ZNF326: variants seen among roughly 807,000 people sequenced by gnomAD.
ZNF326 encodes the protein DBIRD complex subunit ZNF326.
Under a neutral mutation model 63.1 loss-of-function variants are expected in ZNF326, and 30 were observed. The observed-to-expected ratio is 0.48, with a 90% CI of 0.36 to 0.64. ZNF326 has a LOEUF of 0.64. Ranked by LOEUF, ZNF326 falls within the 30% of genes least tolerant of loss-of-function variation. The probability of loss-of-function intolerance (pLI) is 0.00; values close to 1 mark genes in which losing one functional copy is unlikely to be tolerated. For missense variants in ZNF326, 609 were observed against 720.3 expected (o/e 0.85, Z 1.77); for synonymous variants, 194 against 228.2 (o/e 0.85, Z 1.35).
chr1:90,010,247 G>A lies in ZNF326; in HGVS notation c.775G>A (p.Ala259Thr). Residue 259 changes from alanine (A) to threonine (T), a missense_variant, in exon 6 of 12, where the codon GCA (alanine) becomes ACA (threonine). Ala to Thr is a moderately conservative substitution (Grantham distance 58). Coordinates refer to ENST00000340281, the MANE Select transcript of ZNF326 (RefSeq NM_182976.4). ...SGTFIKKPKL[A>T]KPMEKISLSK... ...AACCTTTATCAAGAAACCCAAACTA[G>A]CAAAACCTATGGAGAAGATAAGCCT... 1 of 1,613,758 alleles carries A rather than the reference G, an allele frequency of 6.2e-7. No individual in the cohort carries two copies. Among genetic ancestry groups the A allele is most frequent in the Non-Finnish European group, 8.5e-7 (1 of 1,179,808 alleles).
At chr1:90,013,562 T>C (rs1183944695) in intron 7 of ZNF326, among the ~76,000 whole-genome samples, 1 of 152,202 alleles carries the variant, frequency 6.6e-6, no homozygotes, top group Non-Finnish European at 1.5e-5. Flanking sequence ...ATATTACAAA[T>C]ATGTAAGTTC....
rs1190641090 is a variant in ZNF326, at chr1:90,007,556, T to C, written c.421T>C (p.Leu141=). The C allele has an allele frequency of 6.2e-7, 1 of 1,613,790 alleles. No homozygotes were observed. Among genetic ancestry groups the C allele is most frequent in the Non-Finnish European group, 8.5e-7 (1 of 1,179,924 alleles). Residue 141 remains leucine (L), a synonymous_variant, in exon 5 of 12, where the codon TTG becomes CTG. Transcript: ENST00000340281. The surrounding 1 kb of genome is among the most constrained non-coding windows in gnomAD (Gnocchi z 4.9). ...SWEAPYSRSK[L]RPGFMEDRGR... ...GGAAGCACCTTACTCCCGTTCAAAA[T>C]TGAGGCCTGGGTTTATGGAGGACAG...
rs1300660194 is a variant in ZNF326 at position 90,034,308 on chromosome 1, A to C, written c.*6607A>C. 1.3e-5 allele frequency: 2 copies of C among 152,156 alleles called. No homozygotes were observed. Among genetic ancestry groups the C allele is most frequent in the Non-Finnish European group, 2.9e-5 (2 of 68,016 alleles). The allele number at this position is 152,156 out of a possible 1,614,324, so 9.4% of individuals were successfully genotyped here. A position where few individuals can be genotyped will look rare whatever the true frequency, so the allele number is the denominator to read the frequency against. ...TTCAGAAATTAACTCATAAAACACA[A>C]CCTGCACGGCATGGTATCAAATTAT... On this transcript the variant is annotated 3_prime_UTR_variant, in exon 12 of 12. Transcript: ENST00000340281.
chr1:90,026,483 T>C (rs1650022244), intron 11 of ZNF326, among the ~76,000 whole-genome samples: 1 of 152,198 alleles, frequency 6.6e-6, no homozygotes, highest in Non-Finnish European at 1.5e-5. Flanking sequence ...ATTAGACATC[T>C]AGATATCTGA....
intron 9 of ZNF326, among the ~76,000 whole-genome samples, chr1:90,019,607 A>G (rs1403078711): frequency 6.6e-6 from 1 of 152,042 alleles, no homozygotes; most frequent in Non-Finnish European, 1.5e-5. Flanking sequence ...GATGTTTCTC[A>G]GTACCTTGTC....
intron 6 of ZNF326, 103 bp from the exon 7 acceptor site, chr1:90,013,023 A>T: frequency 1.1e-6 from 1 of 888,452 alleles, no homozygotes; most frequent in Non-Finnish European, 1.6e-6. Context: ...TTAGATTACA[A>T]TCACTAAGTA....
intron 9 of ZNF326, among the ~76,000 whole-genome samples, chr1:90,019,712 A>G (rs889049130): frequency 1.3e-5 from 2 of 152,130 alleles, no homozygotes; most frequent in Admixed American, 6.5e-5. Flanking sequence ...TTATACATCT[A>G]TGTTTCTAGC....
intron 11 of ZNF326, among the ~76,000 whole-genome samples, chr1:90,025,077 T>C (rs968667041): frequency 1.3e-5 from 2 of 148,826 alleles, no homozygotes; most frequent in African/African-American, 4.9e-5. Flanking sequence ...TGGCCCACCC[T>C]ATTTTATCAT....
intron 8 of ZNF326, 70 bp from the exon 9 acceptor site, chr1:90,018,615 A>G (rs1448404986): frequency 1.3e-6 from 1 of 779,502 alleles, no homozygotes; most frequent in Admixed American, 2.8e-5. Flanking sequence ...CATAGAATGA[A>G]CATAGTGCTA....
intron 5 of ZNF326, among the ~76,000 whole-genome samples, chr1:90,008,229 T>C (rs1010058757): frequency 6.6e-6 from 1 of 152,264 alleles, no homozygotes; most frequent in Non-Finnish European, 1.5e-5. Context: ...TAAAAGTTGA[T>C]GATAGATCAG....
chr1:90,017,967 G>A (rs1447072319), intron 8 of ZNF326, among the ~76,000 whole-genome samples: 1 of 152,118 alleles, frequency 6.6e-6, no homozygotes, highest in African/African-American at 2.4e-5. Context: ...AATTAATTTG[G>A]ACAGAAGAGG....
Position 90,030,523 on chromosome 1 carries a change from C to T in ZNF326, c.*2822C>T, listed in dbSNP as rs934089642. The stretch of plus-strand genomic sequence containing the variant: ...TTATTCTATAGCCTATACCCATCAG[C>T]TTTCCTTGGCTGATTCTTCATCCTT... On this transcript the variant is annotated 3_prime_UTR_variant, in exon 12 of 12. Coordinates refer to ENST00000340281, the MANE Select transcript of ZNF326 (RefSeq NM_182976.4). The T allele has an allele frequency of 2.0e-5, 3 of 152,166 alleles. No homozygotes were observed. The highest frequency in any genetic ancestry group is 7.2e-5 in the African/African-American group (3 of 41,426). 9.4% of individuals were successfully genotyped at this position (152,166 alleles called of 1,614,324 possible). A position where few individuals can be genotyped will look rare whatever the true frequency, so the allele number is the denominator to read the frequency against.
At chr1:89,996,761 A>G (rs969784811) in intron 1 of ZNF326, among the ~76,000 whole-genome samples, 2 of 152,066 alleles carry the variant, frequency 1.3e-5, no homozygotes, top group Non-Finnish European at 1.5e-5. Flanking sequence ...ACAAAAAACC[A>G]ACAACAAAAC....
At chr1:90,001,024 T>C (rs1176988657) in intron 2 of ZNF326, among the ~76,000 whole-genome samples, 4 of 152,158 alleles carry the variant, frequency 2.6e-5, no homozygotes, top group African/African-American at 7.2e-5. Flanking sequence ...GGGCATATCA[T>C]GTAGGGCAGG....
At chr1:90,004,860 C>T (rs554506974) in intron 2 of ZNF326, 143 bp from the exon 3 acceptor site, 165 of 127,986 alleles carry the variant, frequency 1.3e-3, no homozygotes, top group Non-Finnish European at 1.9e-3. Context: ...TGTGTTTTTC[C>T]CTTCAGCATT....
chr1:90,013,980 G>T (rs1649376176), intron 7 of ZNF326, among the ~76,000 whole-genome samples: 1 of 152,048 alleles, frequency 6.6e-6, no homozygotes, highest in Non-Finnish European at 1.5e-5. Flanking sequence ...CGGGACGATG[G>T]CGTGAACCCG....
rs1007381382 is a variant in ZNF326 at position 90,034,316 on chromosome 1, G to A, written c.*6615G>A. The stretch of plus-strand genomic sequence containing the variant: ...TTAACTCATAAAACACAACCTGCAC[G>A]GCATGGTATCAAATTATGTAAAGAA... On this transcript the variant is annotated 3_prime_UTR_variant, in exon 12 of 12. Transcript: ENST00000340281. 46 of 152,066 alleles carry A rather than the reference G, an allele frequency of 3.0e-4. No homozygotes were observed. Among genetic ancestry groups the A allele is most frequent in the African/African-American group, 1.1e-3 (44 of 41,412 alleles). 9.4% of individuals were successfully genotyped at this position (152,066 alleles called of 1,614,324 possible).
chr1:90,002,006 T>C (rs534658771), intron 2 of ZNF326, among the ~76,000 whole-genome samples: 90 of 152,372 alleles, frequency 5.9e-4, no homozygotes, highest in Middle Eastern at 6.8e-3. Flanking sequence ...TAGGTCAGTT[T>C]TATTTTTCTG....
At position 90,032,916 on chromosome 1, in the gene ZNF326, G is replaced by A. The variant is rs1650335419; in HGVS notation, c.*5215G>A. ...AGTGTGGCAATGCCCTAGGTATATT[G>A]TGATTACCACAAGGAGCTTTATTCC... On this transcript the variant is annotated 3_prime_UTR_variant, in exon 12 of 12. Transcript: ENST00000340281. 6.6e-6 allele frequency: 1 copy of A among 152,212 alleles called. No individual in the cohort carries two copies. Among genetic ancestry groups the A allele is most frequent in the South Asian group, 2.1e-4 (1 of 4,832 alleles). The allele number at this position is 152,212 out of a possible 1,614,324, so 9.4% of individuals were successfully genotyped here. A position where few individuals can be genotyped will look rare whatever the true frequency, so the allele number is the denominator to read the frequency against.
Sources: gnomAD v4.1 joint callset for allele counts (sites outside exome capture counted in the v4.1 genomes callset) on GRCh38, gnomAD v4.1.1 for gene constraint, Gnocchi (gnomAD v3.1) non-coding constraint, MANE v1.5 for transcripts, NCBI Gene and HGNC (gene_info 2026-07-23, HGNC 2026-07-21) for gene names.